The following DBF4 variants were observed in gnomAD, a reference collection of about 807,000 sequenced individuals.
DBF4 encodes the protein protein DBF4 homolog A.
In DBF4, 25 loss-of-function variants were observed where a neutral mutation model predicts 76.6. The ratio of observed to expected loss-of-function variants is 0.33; its 90% confidence interval spans 0.24 to 0.46. The LOEUF (loss-of-function observed/expected upper bound fraction) is 0.46. DBF4 is among the 20% of genes least tolerant of loss of function. The pLI is 1.00. For missense variants in DBF4, 638 were observed against 760.8 expected (o/e 0.84, Z 1.90); for synonymous variants, 213 against 258.0 (o/e 0.83, Z 1.67).
intron 2 of DBF4, among the ~76,000 whole-genome samples, chr7:87,883,931 A>G (rs943624236): frequency 2.6e-5 from 4 of 152,114 alleles, no homozygotes; most frequent in Admixed American, 2.6e-4. Flanking sequence ...TAGTAATTCT[A>G]CTTAGTATTT....
intron 6 of DBF4, among the ~76,000 whole-genome samples, chr7:87,894,674 T>C (rs752069508): frequency 2.0e-5 from 3 of 152,206 alleles, no homozygotes; most frequent in African/African-American, 2.4e-5. Context: ...ATATCTTTAC[T>C]GGAAAAAGAA....
At position 87,898,024 on chromosome 7, in the gene DBF4, T is replaced by C. The variant is rs1341687081; in HGVS notation, c.680+685T>C. 2.0e-5 allele frequency among the ~76,000 whole-genome samples: 3 copies of C among 152,202 alleles called. No homozygotes were observed. The East Asian group carries it at 5.8e-4, about 29-fold the overall frequency. ...AACTCTTGACCTCAAGTGATCCGCC[T>C]GCCTCAGCCTCCCAAAGTGCGGGGA... On this transcript the variant is annotated intron_variant, in intron 8 of 11. Coordinates refer to ENST00000265728, the MANE Select transcript of DBF4 (RefSeq NM_006716.4).
chr7:87,890,860 T>TA (rs1483582698), intron 6 of DBF4, among the ~76,000 whole-genome samples: 1 of 152,150 alleles, frequency 6.6e-6, no homozygotes, highest in Non-Finnish European at 1.5e-5. Context: ...TCTTCTAAAA[T>TA]AAAAATGATA....
At position 87,904,401 on chromosome 7, in the gene DBF4, C is replaced by T; in HGVS notation, c.1034C>T (p.Thr345Ile). The T allele has an allele frequency of 6.2e-7, 1 of 1,612,232 alleles. No homozygotes were observed. The highest frequency in any genetic ancestry group is 8.5e-7 in the Non-Finnish European group (1 of 1,179,300). Residue 345 changes from threonine (T) to isoleucine (I), a missense_variant, in exon 11 of 12, where the codon ACA becomes ATA. Thr to Ile is a moderately conservative substitution (Grantham distance 89). Coordinates refer to ENST00000265728, the MANE Select transcript of DBF4 (RefSeq NM_006716.4). Reference sequence around the variant, plus strand: ...GACTTTGTGGAATATGAAAAGGACACACCTAAAAAGAAAAGGTAATTAGTT... The same window carrying T: ...GACTTTGTGGAATATGAAAAGGACATACCTAAAAAGAAAAGGTAATTAGTT... ...VFDFVEYEKD[T>I]PKKKRIKYSV...
chr7:87,900,614 A>G, intron 9 of DBF4, 150 bp from the exon 10 acceptor site: 2 of 701,636 alleles, frequency 2.9e-6, no homozygotes, highest in South Asian at 4.2e-5. Flanking sequence ...TTGCTTCTCA[A>G]TATAGTATAA....
At position 87,898,790 on chromosome 7, in the gene DBF4, C is replaced by CAA. The variant is rs548418733; in HGVS notation, c.681-1414_681-1413dup. Among the ~76,000 whole-genome samples the CAA allele has an allele frequency of 6.3e-4, 39 of 62,386 alleles. 1 individual carries two copies. The Middle Eastern group carries it at 0.029, about 47-fold the overall frequency. 40.9% of individuals were successfully genotyped at this position (62,386 alleles called of 152,430 possible). On this transcript the variant is annotated intron_variant, in intron 8 of 11. Coordinates refer to ENST00000265728, the MANE Select transcript of DBF4 (RefSeq NM_006716.4). ...TGGGGGACAGAGCAAGACTCCGTCT[C>CAA]AAAAAAAAAAAAAAAAAAGAACAAC...
Position 87,895,187 on chromosome 7 carries a change from CAGAT to C in DBF4, c.598-1284_598-1281del, listed in dbSNP as rs202047389. 4.5e-4 allele frequency among the ~76,000 whole-genome samples: 69 copies of C among 152,256 alleles called. No homozygotes were observed. The East Asian group carries it at 0.013, about 29-fold the overall frequency. The stretch of plus-strand genomic sequence containing the variant: ...ATCCAGTGAATTTTGTTATCTCACT[CAGAT>C]AGTATATTTTTCAGTCCTATTATTT... On this transcript the variant is annotated intron_variant, in intron 6 of 11. Transcript: ENST00000265728.
chr7:87,897,438 T>C (rs1839670325), intron 8 of DBF4, 99 bp downstream of exon 8: 2 of 1,108,116 alleles, frequency 1.8e-6, no homozygotes, highest in African/African-American at 1.6e-5. Context: ...TTAGGTTCCT[T>C]TGTGTTTGAT....
chr7:87,897,142 T>G, intron 7 of DBF4, 152 bp from the exon 8 acceptor site: 1 of 599,612 alleles, frequency 1.7e-6, no homozygotes, highest in Non-Finnish European at 2.9e-6. Context: ...GGAAATGAGG[T>G]GATAATGGAA....
chr7:87,876,661 G>C lies in DBF4; in HGVS notation c.-72G>C. 2 of 1,563,960 alleles carry C rather than the reference G, an allele frequency of 1.3e-6. No homozygotes were observed. The highest frequency in any genetic ancestry group is 1.8e-6 in the Non-Finnish European group (2 of 1,142,842). ...CGGCCGTCCTGTCAACAGGCCGGGG[G>C]AAGCCGTGCTTTCGCGGCTGCCCGG... On this transcript the variant is annotated 5_prime_UTR_variant, in exon 1 of 12. Transcript: ENST00000265728.
intron 11 of DBF4, among the ~76,000 whole-genome samples, chr7:87,906,469 T>C (rs376268743): frequency 6.6e-6 from 1 of 152,156 alleles, no homozygotes; most frequent in South Asian, 2.1e-4. Context: ...ATCTGTGACA[T>C]GCGGAACACA....
intron 9 of DBF4, 66 bp from the exon 10 acceptor site, chr7:87,900,698 A>G: frequency 7.5e-7 from 1 of 1,324,544 alleles, no homozygotes; most frequent in Non-Finnish European, 1.1e-6. Flanking sequence ...AGTTTAGGAC[A>G]ATAAATTTTT....
At chr7:87,877,381 T>C (rs1839093258) in intron 1 of DBF4, among the ~76,000 whole-genome samples, 1 of 152,262 alleles carries the variant, frequency 6.6e-6, no homozygotes, top group Non-Finnish European at 1.5e-5. Context: ...AAGTTTTTTG[T>C]ACAGGTGTTT....
intron 8 of DBF4, among the ~76,000 whole-genome samples, chr7:87,898,669 T>G (rs1839696985): frequency 6.6e-6 from 1 of 151,454 alleles, no homozygotes; most frequent in African/African-American, 2.4e-5. Context: ...CGGGCACCTG[T>G]AGTCCCAGCT....
intron 6 of DBF4, among the ~76,000 whole-genome samples, chr7:87,892,659 A>C (rs2131058697): frequency 6.6e-6 from 1 of 152,362 alleles, no homozygotes; most frequent in Non-Finnish European, 1.5e-5. Flanking sequence ...ATAATATGCC[A>C]AACTGTCTTC....
chr7:87,886,535 CAAAAA>C (rs11411808), intron 3 of DBF4, among the ~76,000 whole-genome samples: 2 of 54,254 alleles, frequency 3.7e-5, no homozygotes, highest in South Asian at 1.0e-3. Flanking sequence ...ACTTTGTCTC[CAAAAA>C]AAAAAAAAAA....
intron 6 of DBF4, among the ~76,000 whole-genome samples, chr7:87,889,786 T>G (rs1041899633): frequency 3.9e-5 from 6 of 152,226 alleles, no homozygotes; most frequent in African/African-American, 1.4e-4. Flanking sequence ...AGAAGTTTTA[T>G]ACCTTGTAGG....
chr7:87,907,234 C>G lies in DBF4; in HGVS notation c.1096C>G (p.Leu366Val). Residue 366 changes from leucine (L) to valine (V), a missense_variant, in exon 12 of 12, where the codon CTG becomes GTG. By Grantham distance (32) the Leu-to-Val change is conservative. Transcript: ENST00000265728. ...GSLSPVSASV[L>V]KKTEQKEKVE... ...CCTTTCTCCTGTTTCTGCAAGTGTC[C>G]TGAAAAAGACTGAACAAAAGGAAAA... The G allele has an allele frequency of 3.7e-6, 6 of 1,611,036 alleles. No individual in the cohort carries two copies. Among genetic ancestry groups the G allele is most frequent in the Non-Finnish European group, 5.1e-6 (6 of 1,179,306 alleles).
intron 7 of DBF4, 26 bp from the exon 8 acceptor site, chr7:87,897,268 T>C: frequency 1.3e-6 from 2 of 1,583,632 alleles, no homozygotes; most frequent in Non-Finnish European, 1.7e-6. Context: ...TTTGCAAGTA[T>C]CTAATATGTT....
Sources: gnomAD v4.1 joint callset for allele counts (sites outside exome capture counted in the v4.1 genomes callset) on GRCh38, gnomAD v4.1.1 for gene constraint, MANE v1.5 for transcripts, NCBI Gene and HGNC (gene_info 2026-07-23, HGNC 2026-07-21) for gene names.